STAU2: variants seen among roughly 807,000 people sequenced by gnomAD.
STAU2 encodes the protein staufen double-stranded RNA binding protein 2.
STAU2 carries 20 observed loss-of-function variants against 65.9 expected under a neutral mutation model. The ratio of observed to expected loss-of-function variants is 0.30; its 90% CI spans 0.21 to 0.44. STAU2 has a LOEUF of 0.44. Among genes scored for constraint, STAU2 ranks in the 20% least tolerant of loss-of-function variants. The pLI is 1.00. For missense variants in STAU2, 558 were observed against 683.9 expected, an observed-to-expected ratio of 0.82 and a Z score of 2.05; for synonymous variants, 232 against 233.9, an observed-to-expected ratio of 0.99 and a Z score of 0.07.
At chr8:73,550,635 A>G (rs1430039642) in intron 13 of STAU2, 1 of 979,632 alleles carries the variant, frequency 1.0e-6, no homozygotes, top group African/African-American at 1.8e-5. Flanking sequence ...AGTACTTTAT[A>G]TAAATTGAGA....
chr8:73,571,073 A>C (rs1394173919), intron 12 of STAU2, among the ~76,000 whole-genome samples: 1 of 152,056 alleles, frequency 6.6e-6, no homozygotes, highest in African/African-American at 2.4e-5. Flanking sequence ...AATGGGAAAC[A>C]AAAAAAAGCA....
intron 12 of STAU2, among the ~76,000 whole-genome samples, chr8:73,577,121 C>A (rs145776759): frequency 2.0e-5 from 3 of 152,180 alleles, no homozygotes; most frequent in African/African-American, 7.2e-5. Context: ...ATTCTGCTTC[C>A]CTAGCTGTTT....
intron 13 of STAU2, among the ~76,000 whole-genome samples, chr8:73,483,833 C>T (rs1195148139): frequency 6.6e-6 from 1 of 152,140 alleles, no homozygotes; most frequent in Non-Finnish European, 1.5e-5. Flanking sequence ...CTGTGTGGGA[C>T]TTGCTGAGGC....
At chr8:73,569,826 A>T (rs1808905822) in intron 12 of STAU2, among the ~76,000 whole-genome samples, 1 of 152,202 alleles carries the variant, frequency 6.6e-6, no homozygotes, top group Non-Finnish European at 1.5e-5. Flanking sequence ...ATCATCAAAG[A>T]CCAAAGGTAG....
At chr8:73,472,105 T>C (rs924198679) in intron 13 of STAU2, among the ~76,000 whole-genome samples, 1 of 152,116 alleles carries the variant, frequency 6.6e-6, no homozygotes. Flanking sequence ...TGTGGTGTGA[T>C]AGGACAGGGC....
chr8:73,436,272 G>A (rs1817670266), intron 13 of STAU2, among the ~76,000 whole-genome samples: 1 of 151,634 alleles, frequency 6.6e-6, no homozygotes, highest in African/African-American at 2.4e-5. Context: ...AGATGGTAAA[G>A]GCAGTTTCTC....
chr8:73,431,721 C>A (rs1817308684), intron 13 of STAU2, among the ~76,000 whole-genome samples: 2 of 152,128 alleles, frequency 1.3e-5, no homozygotes, highest in Admixed American at 6.5e-5. Flanking sequence ...ACTTTTCATG[C>A]CTATTTGTTG....
chr8:73,746,644 G>A, intron 1 of STAU2, 139 bp downstream of exon 1: 1 of 418,816 alleles, frequency 2.4e-6, no homozygotes, highest in Non-Finnish European at 3.8e-6. Context: ...AGGCGCGGGG[G>A]AGGGGAGGCC....
intron 6 of STAU2, among the ~76,000 whole-genome samples, chr8:73,619,335 G>A (rs1349161948): frequency 1.3e-5 from 2 of 152,092 alleles, no homozygotes; most frequent in Non-Finnish European, 2.9e-5. Context: ...AAAATAAACA[G>A]AATCGATTTT....
intron 13 of STAU2, among the ~76,000 whole-genome samples, chr8:73,518,145 T>C (rs1314644617): frequency 2.6e-5 from 4 of 152,214 alleles, no homozygotes; most frequent in Non-Finnish European, 5.9e-5. Flanking sequence ...CTCTGATAAA[T>C]ACTGATGAAG....
chr8:73,730,064 T>C (rs1033720463), intron 3 of STAU2, among the ~76,000 whole-genome samples: 5 of 152,338 alleles, frequency 3.3e-5, no homozygotes, highest in Admixed American at 2.0e-4. Context: ...ACTTCCTTTT[T>C]TCTGGTAGCT....
intron 13 of STAU2, among the ~76,000 whole-genome samples, chr8:73,501,933 A>G (rs1204872870): frequency 1.3e-5 from 2 of 151,944 alleles, no homozygotes; most frequent in Non-Finnish European, 2.9e-5. Context: ...AGGAAGCAGG[A>G]GTTTCCATTT....
chr8:73,745,701 T>C (rs1296602003), intron 1 of STAU2, among the ~76,000 whole-genome samples: 1 of 152,260 alleles, frequency 6.6e-6, no homozygotes, highest in African/African-American at 2.4e-5. Flanking sequence ...AGGTCTACCC[T>C]AATTGAATGG....
At chr8:73,461,220 G>A (rs1390712761) in intron 13 of STAU2, among the ~76,000 whole-genome samples, 1 of 152,120 alleles carries the variant, frequency 6.6e-6, no homozygotes, top group African/African-American at 2.4e-5. Context: ...CAGAGTGCTT[G>A]GCACACAGGA....
chr8:73,454,751 G>A (rs1057074539), intron 13 of STAU2, among the ~76,000 whole-genome samples: 9 of 152,290 alleles, frequency 5.9e-5, no homozygotes, highest in Admixed American at 1.3e-4. Flanking sequence ...AAAGACTAAC[G>A]ATGGCATTCT....
At chr8:73,486,917 C>T (rs758981582) in intron 13 of STAU2, among the ~76,000 whole-genome samples, 5 of 151,882 alleles carry the variant, frequency 3.3e-5, no homozygotes, top group Non-Finnish European at 7.4e-5. Flanking sequence ...CCTCTCAAGG[C>T]GCTGGCATTA....
chr8:73,518,427 G>A (rs991017591), intron 13 of STAU2, among the ~76,000 whole-genome samples: 6 of 152,128 alleles, frequency 3.9e-5, no homozygotes, highest in Admixed American at 6.5e-5. Flanking sequence ...ATTTTAGGAC[G>A]TGCAGGCAAT....
chr8:73,672,365 C>T (rs1180168183), intron 6 of STAU2: 2 of 86,204 alleles, frequency 2.3e-5, no homozygotes, highest in African/African-American at 9.6e-5. Flanking sequence ...ACAAAGAGGT[C>T]TGAGGAAACT....
intron 3 of STAU2, among the ~76,000 whole-genome samples, chr8:73,716,027 G>A (rs180712013): frequency 6.6e-6 from 1 of 151,842 alleles, no homozygotes; most frequent in African/African-American, 2.4e-5. Flanking sequence ...CGATTCTTCT[G>A]CCTCAGCCTC....
Sources: allele counts gnomAD v4.1 joint callset (sites outside exome capture counted in the v4.1 genomes callset), GRCh38; gene constraint gnomAD v4.1.1; transcripts MANE v1.5; gene names NCBI Gene and HGNC (gene_info 2026-07-23, HGNC 2026-07-21).